Variants in DMD observed in about 807,000 individuals in gnomAD.
DMD encodes the protein dystrophin, also known as mutant dystrophin.
In DMD, 63 loss-of-function variants were observed where a neutral mutation model predicts 330.1. The ratio of observed to expected loss-of-function variants is 0.19; its 90% CI spans 0.16 to 0.24. DMD has a LOEUF of 0.24. Among genes scored for constraint, DMD ranks in the 10% least tolerant of loss-of-function variants. DMD has a pLI of 1.00. For synonymous variants in DMD, 1,223 were observed against 959.8 expected (o/e 1.27, Z -5.07); for missense variants, 3,344 against 2,684.1 (o/e 1.25, Z -5.43).
chrX:32,132,993 C>CTTTTTTTTTT (rs377615262), intron 44 of DMD, among the ~76,000 whole-genome samples: 141 of 75,835 alleles, frequency 1.9e-3, no homozygotes, highest in Non-Finnish European at 2.3e-3. Context: ...CTTTTCTTTT[C>CTTTTTTTTTT]TTTTTTTTTT....
At chrX:32,807,719 A>T (rs185264842) in intron 7 of DMD, among the ~76,000 whole-genome samples, 1 of 111,534 alleles carries the variant, frequency 9.0e-6, no homozygotes, top group Non-Finnish European at 1.9e-5. Context: ...GGATATATAC[A>T]TAGGTGTATA....
At chrX:31,357,376 C>T (rs2058727470) in intron 60 of DMD, among the ~76,000 whole-genome samples, 1 of 104,046 alleles carries the variant, frequency 9.6e-6, no homozygotes, top group Admixed American at 1.0e-4. Context: ...CTGGTATTGT[C>T]CGAAAAAAAA....
chrX:32,822,885 A>T (rs1264723678), intron 5 of DMD, among the ~76,000 whole-genome samples: 1 of 111,343 alleles, frequency 9.0e-6, no homozygotes, highest in African/African-American at 3.3e-5. Flanking sequence ...CCCATATTCT[A>T]CTAATCTTTT....
chrX:31,424,072 C>T (rs1439352494), intron 60 of DMD, among the ~76,000 whole-genome samples: 1 of 110,859 alleles, frequency 9.0e-6, no homozygotes, highest in South Asian at 3.9e-4. Flanking sequence ...ACCTTATGCA[C>T]AAATGGTAAA....
At chrX:32,557,228 T>C (rs181153058) in intron 16 of DMD, among the ~76,000 whole-genome samples, 3 of 111,842 alleles carry the variant, frequency 2.7e-5, no homozygotes, top group South Asian at 3.7e-4. Context: ...CATCCAACTC[T>C]TATCAGCTAT....
intron 1 of DMD, among the ~76,000 whole-genome samples, chrX:33,291,447 G>T (rs777471287): frequency 4.5e-5 from 5 of 111,152 alleles, no homozygotes; most frequent in Non-Finnish European, 9.4e-5. Context: ...ATTCAAATAG[G>T]AAGTCAAATT....
At chrX:33,130,732 G>A (rs1163297069) in intron 1 of DMD, among the ~76,000 whole-genome samples, 1 of 110,148 alleles carries the variant, frequency 9.1e-6, no homozygotes, top group African/African-American at 3.3e-5. Flanking sequence ...TGTATTTTTA[G>A]TAGAGACGGG....
chrX:32,809,919 C>CAAAAAAAAAAAAAAAAAAAAAAA (rs55898363), intron 6 of DMD, among the ~76,000 whole-genome samples: 1 of 28,660 alleles, frequency 3.5e-5, no homozygotes, highest in Non-Finnish European at 5.8e-5. Context: ...TTGTTTCTAC[C>CAAAAAAAAAAAAAAAAAAAAAAA]AAAAAAAAAA....
chrX:32,659,229 C>A (rs1440244540), intron 9 of DMD, among the ~76,000 whole-genome samples: 1 of 112,014 alleles, frequency 8.9e-6, no homozygotes, highest in Non-Finnish European at 1.9e-5. Context: ...TTAACATACA[C>A]CAGTTGCTTG....
intron 1 of DMD, among the ~76,000 whole-genome samples, chrX:33,257,348 A>G (rs757485523): frequency 3.6e-5 from 4 of 111,031 alleles, no homozygotes. Flanking sequence ...GAAAGGTCAC[A>G]TGAGTCTTTT....
At chrX:31,643,835 T>C (rs978619082) in intron 54 of DMD, among the ~76,000 whole-genome samples, 3 of 111,839 alleles carry the variant, frequency 2.7e-5, no homozygotes, top group African/African-American at 9.7e-5. Context: ...TATACTTTCA[T>C]AGAATGTGGA....
intron 47 of DMD, among the ~76,000 whole-genome samples, chrX:31,924,769 C>CT (rs1383351889): frequency 2.0e-4 from 22 of 111,714 alleles, no homozygotes; most frequent in African/African-American, 7.1e-4. Context: ...TTCCAAAATG[C>CT]TTTTTTCTTT....
At chrX:32,376,938 T>A (rs1825788477) in intron 34 of DMD, among the ~76,000 whole-genome samples, 1 of 111,348 alleles carries the variant, frequency 9.0e-6, no homozygotes, top group African/African-American at 3.3e-5. Context: ...GGATAGGAAA[T>A]TTCCTCGATT....
At chrX:31,896,622 T>C (rs1347754057) in intron 47 of DMD, among the ~76,000 whole-genome samples, 1 of 111,773 alleles carries the variant, frequency 8.9e-6, no homozygotes, top group Non-Finnish European at 1.9e-5. Context: ...GCTTCAAGTT[T>C]CAGAAAACCA....
chrX:32,239,420 C>T (rs1464302461), intron 43 of DMD, among the ~76,000 whole-genome samples: 3 of 111,576 alleles, frequency 2.7e-5, no homozygotes, highest in Non-Finnish European at 5.6e-5. Context: ...AGAGATTTCC[C>T]GTATACTCTC....
intron 28 of DMD, among the ~76,000 whole-genome samples, chrX:32,438,807 T>C (rs190280085): frequency 9.0e-6 from 1 of 111,493 alleles, no homozygotes; most frequent in Non-Finnish European, 1.9e-5. Flanking sequence ...GGCCTGGAGG[T>C]ATAACAATCA....
At chrX:31,481,311 A>C (rs190794376) in intron 57 of DMD, among the ~76,000 whole-genome samples, 3 of 112,204 alleles carry the variant, frequency 2.7e-5, no homozygotes, top group Non-Finnish European at 5.6e-5. Flanking sequence ...CTTCAAATAG[A>C]TCTTCCTGAT....
chrX:32,480,374 A>ATGTGTG (rs113099165), intron 21 of DMD, among the ~76,000 whole-genome samples: 8 of 102,925 alleles, frequency 7.8e-5, no homozygotes, highest in African/African-American at 2.2e-4. Context: ...AATTTTATAA[A>ATGTGTG]TGTGTGTGTG....
chrX:31,705,348 T>C (rs773099328), intron 52 of DMD, among the ~76,000 whole-genome samples: 51 of 113,140 alleles, frequency 4.5e-4, no homozygotes, highest in African/African-American at 1.5e-3. Context: ...CATCATCTGG[T>C]ACATGGCAGG....
Sources: gnomAD v4.1 joint callset for allele counts (sites outside exome capture counted in the v4.1 genomes callset) on GRCh38, gnomAD v4.1.1 for gene constraint, MANE v1.5 for transcripts, NCBI Gene and HGNC (gene_info 2026-07-23, HGNC 2026-07-21) for gene names.